Variants in SNX29 observed in about 807,000 individuals in gnomAD.
SNX29 encodes the protein sorting nexin-29.
In SNX29, 78 loss-of-function variants were observed where a neutral mutation model predicts 102.1. That is an observed-to-expected ratio of 0.76 (90% CI 0.64 to 0.92). The LOEUF (loss-of-function observed/expected upper bound fraction) is 0.92, where lower values mean the gene tolerates loss of function less well. Ranked by LOEUF, SNX29 falls within the 40% of genes least tolerant of loss-of-function variation. SNX29 has a pLI of 0.00. For synonymous variants in SNX29, 580 were observed against 414.5 expected, an observed-to-expected ratio of 1.40 and a Z score of -4.85; for missense variants, 1,280 against 1,061.7, an observed-to-expected ratio of 1.21 and a Z score of -2.86.
intron 20 of SNX29, among the ~76,000 whole-genome samples, chr16:12,567,534 C>T (rs1182996457): frequency 1.3e-5 from 2 of 152,084 alleles, no homozygotes; most frequent in Admixed American, 1.3e-4. Context: ...CCTGTAATCC[C>T]AGCACTTTAG....
At chr16:12,037,113 C>T (rs763122171) in intron 4 of SNX29, among the ~76,000 whole-genome samples, 38 of 152,114 alleles carry the variant, frequency 2.5e-4, no homozygotes, top group Non-Finnish European at 3.5e-4. Flanking sequence ...ACTTCTAGAA[C>T]GGGGTCGGCA....
intron 15 of SNX29, among the ~76,000 whole-genome samples, chr16:12,289,204 A>C (rs781244019): frequency 5.9e-5 from 9 of 152,168 alleles, no homozygotes; most frequent in African/African-American, 1.9e-4. Flanking sequence ...TCTTGTGCTC[A>C]CTGGATGTTC....
chr16:11,995,285 T>G (rs1266834287), intron 1 of SNX29, among the ~76,000 whole-genome samples: 1 of 152,142 alleles, frequency 6.6e-6, no homozygotes, highest in Non-Finnish European at 1.5e-5. Context: ...AGGCTGGTCT[T>G]GAACTCCTGA....
At chr16:12,060,799 G>T (rs1449263955) in intron 8 of SNX29, 1 of 456,318 alleles carries the variant, frequency 2.2e-6, no homozygotes, top group Middle Eastern at 3.3e-4. Context: ...ACACTGCCTG[G>T]CGTTTCGAAG....
At chr16:12,071,858 T>C (rs972728090) in intron 10 of SNX29, among the ~76,000 whole-genome samples, 1 of 152,222 alleles carries the variant, frequency 6.6e-6, no homozygotes, top group Non-Finnish European at 1.5e-5. Context: ...GAGCAGTGGT[T>C]TGTAGTTCTC....
At chr16:12,265,839 A>G (rs914842658) in intron 14 of SNX29, among the ~76,000 whole-genome samples, 1 of 152,074 alleles carries the variant, frequency 6.6e-6, no homozygotes, top group Non-Finnish European at 1.5e-5. Flanking sequence ...GCAGTAAGCC[A>G]TGATTGTATC....
intron 10 of SNX29, among the ~76,000 whole-genome samples, chr16:12,074,953 G>A (rs1471613215): frequency 2.0e-5 from 3 of 151,944 alleles, no homozygotes; most frequent in East Asian, 1.9e-4. Flanking sequence ...CCAGTTGATC[G>A]CATCGGCTCC....
intron 18 of SNX29, among the ~76,000 whole-genome samples, chr16:12,431,448 G>GTT (rs1354565983): frequency 1.8e-5 from 2 of 114,172 alleles, no homozygotes; most frequent in African/African-American, 7.0e-5. Context: ...TTTTTTTTTT[G>GTT]TTTTTGTTTT....
intron 15 of SNX29, among the ~76,000 whole-genome samples, chr16:12,296,368 A>C (rs2079981931): frequency 6.6e-6 from 1 of 152,106 alleles, no homozygotes; most frequent in Non-Finnish European, 1.5e-5. Flanking sequence ...CATGGCCCTT[A>C]TATATGGGGA....
At chr16:12,045,647 T>TATTATTATTATTATTA (rs55665160) in intron 5 of SNX29, among the ~76,000 whole-genome samples, 9 of 144,386 alleles carry the variant, frequency 6.2e-5, no homozygotes, top group Admixed American at 1.4e-4. Flanking sequence ...TTATTATTAT[T>TATTATTATTATTATTA]TTGAGGTGGA....
At chr16:12,419,565 C>T (rs892860475) in intron 18 of SNX29, among the ~76,000 whole-genome samples, 4 of 150,952 alleles carry the variant, frequency 2.6e-5, no homozygotes, top group African/African-American at 4.9e-5. Flanking sequence ...AGACTCAGCC[C>T]CCCCCCCCAT....
intron 20 of SNX29, among the ~76,000 whole-genome samples, chr16:12,552,984 G>A (rs1332735912): frequency 2.6e-5 from 4 of 152,220 alleles, no homozygotes; most frequent in African/African-American, 9.6e-5. Flanking sequence ...AGCAGGCACT[G>A]TCTGAGGGGC....
At chr16:12,176,203 G>C (rs2076256426) in intron 13 of SNX29, among the ~76,000 whole-genome samples, 1 of 152,156 alleles carries the variant, frequency 6.6e-6, no homozygotes, top group African/African-American at 2.4e-5. Context: ...ACATTTCTGT[G>C]GTTTCAACTG....
intron 14 of SNX29, among the ~76,000 whole-genome samples, chr16:12,211,648 C>G (rs2077186572): frequency 6.6e-6 from 1 of 152,146 alleles, no homozygotes; most frequent in Non-Finnish European, 1.5e-5. Flanking sequence ...TCTGTCAACT[C>G]CAGAATCTGC....
chr16:12,133,749 G>T (rs2054558429), intron 13 of SNX29, among the ~76,000 whole-genome samples: 1 of 151,990 alleles, frequency 6.6e-6, no homozygotes, highest in African/African-American at 2.4e-5. Context: ...AATAATTATG[G>T]CACCTTACTT....
At chr16:12,200,485 G>C (rs1025611350) in intron 14 of SNX29, among the ~76,000 whole-genome samples, 3 of 64,650 alleles carry the variant, frequency 4.6e-5, no homozygotes, top group African/African-American at 9.6e-5. Context: ...ACATTCACGT[G>C]TCTTTTTTTT....
intron 19 of SNX29, among the ~76,000 whole-genome samples, chr16:12,485,662 G>A (rs914622229): frequency 6.6e-6 from 1 of 152,152 alleles, no homozygotes; most frequent in African/African-American, 2.4e-5. Context: ...AGGCAAATGT[G>A]TACCGAGTGC....
intron 4 of SNX29, among the ~76,000 whole-genome samples, chr16:12,034,289 G>T (rs140499405): frequency 2.0e-5 from 3 of 152,196 alleles, no homozygotes; most frequent in Non-Finnish European, 4.4e-5. Context: ...GGGAAGTCCA[G>T]TTCCTCACTC....
chr16:12,463,277 T>C (rs1345385810), intron 18 of SNX29, among the ~76,000 whole-genome samples: 1 of 152,254 alleles, frequency 6.6e-6, no homozygotes, highest in Non-Finnish European at 1.5e-5. Context: ...TAGAAGTTTT[T>C]CATTGCCTAA....
Sources: gnomAD v4.1 joint callset for allele counts (sites outside exome capture counted in the v4.1 genomes callset) on GRCh38, gnomAD v4.1.1 for gene constraint, MANE v1.5 for transcripts, NCBI Gene and HGNC (gene_info 2026-07-23, HGNC 2026-07-21) for gene names.